The following ABCA4 variants were observed in gnomAD, a reference collection of about 807,000 sequenced individuals.
The protein encoded by ABCA4 is retinal-specific phospholipid-transporting ATPase ABCA4.
In ABCA4, 196 loss-of-function variants were observed where a neutral mutation model predicts 263.7. The ratio of observed to expected loss-of-function variants is 0.74; its 90% confidence interval spans 0.66 to 0.84. The LOEUF (loss-of-function observed/expected upper bound fraction) is 0.84. ABCA4 is among the 40% of genes least tolerant of loss of function. The probability of loss-of-function intolerance (pLI) is 0.00; values close to 1 mark genes in which losing one functional copy is unlikely to be tolerated. For missense variants in ABCA4, 2,792 were observed against 2,855.1 expected, an observed-to-expected ratio of 0.98 and a Z score of 0.50; for synonymous variants, 1,133 against 1,094.2, an observed-to-expected ratio of 1.04 and a Z score of -0.70.
At position 94,102,996 on chromosome 1, in the gene ABCA4, G is replaced by A; in HGVS notation, c.570+19C>T. ...CTTCCCTCCCCTCCAGGGACCACTG[G>A]CCAGTGACATCCCCCTACCTGCTCT... On this transcript the variant is annotated intron_variant, in intron 5 of 49. Coordinates refer to ENST00000370225, the MANE Select transcript of ABCA4 (RefSeq NM_000350.3). 1 of 1,614,096 alleles carries A rather than the reference G, an allele frequency of 6.2e-7. No homozygotes were observed. Among genetic ancestry groups the A allele is most frequent in the African/African-American group, 1.3e-5 (1 of 75,046 alleles).
intron 27 of ABCA4, 92 bp downstream of exon 27, chr1:94,031,686 T>C: frequency 6.5e-7 from 1 of 1,546,888 alleles, no homozygotes; most frequent in South Asian, 1.2e-5. Flanking sequence ...CTTGCTGAGT[T>C]ATAACCCATG....
chr1:93,993,171 A>C lies in ABCA4; in HGVS notation c.*66T>G. 6 of 1,610,818 alleles carry C rather than the reference A, an allele frequency of 3.7e-6. No homozygotes were observed. The highest frequency in any genetic ancestry group is 8.5e-7 in the Non-Finnish European group (1 of 1,177,590). ...AGTCCATTTGGATGACCATATGGGCACAGGCTCCTGCGCCTCCAGCTGCCC... is the reference window on the plus strand; with the variant it reads ...AGTCCATTTGGATGACCATATGGGCCCAGGCTCCTGCGCCTCCAGCTGCCC... On this transcript the variant is annotated 3_prime_UTR_variant, in exon 50 of 50. Transcript: ENST00000370225.
chr1:94,033,975 C>T (rs1450793940), intron 26 of ABCA4, among the ~76,000 whole-genome samples: 3 of 152,140 alleles, frequency 2.0e-5, no homozygotes, highest in Non-Finnish European at 4.4e-5. Flanking sequence ...AAGGCTCCAT[C>T]CTGACTGGAG....
At chr1:94,097,243 C>A (rs1382672901) in intron 6 of ABCA4, among the ~76,000 whole-genome samples, 1 of 152,124 alleles carries the variant, frequency 6.6e-6, no homozygotes, top group Admixed American at 6.5e-5. Context: ...CTCTGGGGCC[C>A]CACCCTGACG....
rs1003418139 is a variant in ABCA4 at position 94,008,306 on chromosome 1, T to C, written c.5836-9A>G. 1.2e-6 allele frequency: 2 copies of C among 1,613,876 alleles called. No individual in the cohort carries two copies. Among genetic ancestry groups the C allele is most frequent in the Non-Finnish European group, 1.7e-6 (2 of 1,179,834 alleles). ...GAGGTGCCTGGATAAATCTGCAAGATACGAAGAAACCGGACTGAGAACTGA... is the reference window on the plus strand; with the variant it reads ...GAGGTGCCTGGATAAATCTGCAAGACACGAAGAAACCGGACTGAGAACTGA... On this transcript the variant is annotated splice_polypyrimidine_tract_variant and intron_variant, in intron 41 of 49. Coordinates refer to ENST00000370225, the MANE Select transcript of ABCA4 (RefSeq NM_000350.3).
intron 3 of ABCA4, among the ~76,000 whole-genome samples, chr1:94,109,114 A>G (rs563393667): frequency 6.6e-6 from 1 of 152,354 alleles, no homozygotes; most frequent in East Asian, 1.9e-4. Context: ...TGGCCTAGCT[A>G]CTACATTGAG....
chr1:94,063,531 C>T (rs1661186671), intron 11 of ABCA4, among the ~76,000 whole-genome samples: 1 of 152,218 alleles, frequency 6.6e-6, no homozygotes, highest in African/African-American at 2.4e-5. Context: ...GAAGTGCTGA[C>T]GTGCTCTTAT....
chr1:94,071,160 G>T (rs1015085558), intron 11 of ABCA4, among the ~76,000 whole-genome samples: 1 of 152,142 alleles, frequency 6.6e-6, no homozygotes, highest in Non-Finnish European at 1.5e-5. Flanking sequence ...AGTCCTCTGA[G>T]ATACCACTAT....
At chr1:94,046,632 C>G (rs969894229) in intron 19 of ABCA4, among the ~76,000 whole-genome samples, 1 of 152,028 alleles carries the variant, frequency 6.6e-6, no homozygotes, top group Non-Finnish European at 1.5e-5. Context: ...CTTTTGCCCC[C>G]GCTGAGCCAT....
At chr1:94,026,569 A>T (rs1163811065) in intron 30 of ABCA4, among the ~76,000 whole-genome samples, 1 of 152,220 alleles carries the variant, frequency 6.6e-6, no homozygotes. Flanking sequence ...AGTGGCACTC[A>T]GACACCGGCC....
At chr1:94,018,542 G>A (rs1272730950) in intron 36 of ABCA4, 1 of 455,514 alleles carries the variant, frequency 2.2e-6, no homozygotes, top group African/African-American at 2.0e-5. Flanking sequence ...GAGTAAGATA[G>A]AAATCATATC....
At chr1:94,037,518 C>T (rs1349915972) in intron 24 of ABCA4, among the ~76,000 whole-genome samples, 168 bp from the exon 25 acceptor site, 1 of 152,032 alleles carries the variant, frequency 6.6e-6, no homozygotes, top group African/African-American at 2.4e-5. Flanking sequence ...CTGCTTTTAG[C>T]TTAGTTGGCC....
intron 14 of ABCA4, among the ~76,000 whole-genome samples, chr1:94,057,330 G>A (rs1173671249): frequency 1.3e-5 from 2 of 152,126 alleles, no homozygotes; most frequent in African/African-American, 4.8e-5. Context: ...TATTTATTAT[G>A]TGTTAAGTAA....
chr1:94,083,452 C>T lies in ABCA4; in HGVS notation c.769-11G>A. On this transcript the variant is annotated splice_polypyrimidine_tract_variant and intron_variant, in intron 6 of 49. Coordinates refer to ENST00000370225, the MANE Select transcript of ABCA4 (RefSeq NM_000350.3). ...TAGGAGTGTGGGAAGCTGTAATTGA[C>T]AGTAAAACAATTTTTTAAATATATA... 1 of 1,599,202 alleles carries T rather than the reference C, an allele frequency of 6.3e-7. No individual in the cohort carries two copies. Among genetic ancestry groups the T allele is most frequent in the Non-Finnish European group, 8.6e-7 (1 of 1,167,192 alleles).
intron 26 of ABCA4, among the ~76,000 whole-genome samples, chr1:94,033,768 C>A (rs1245950951): frequency 2.0e-5 from 3 of 151,834 alleles, no homozygotes; most frequent in African/African-American, 7.3e-5. Flanking sequence ...GCAGCCCCAG[C>A]CCTGGCACCT....
intron 48 of ABCA4, 69 bp downstream of exon 48, chr1:93,997,792 A>C (rs1659048902): frequency 3.1e-6 from 5 of 1,605,172 alleles, no homozygotes; most frequent in Non-Finnish European, 4.3e-6. Context: ...CTCTTATGGC[A>C]ATTCCAACCC....
intron 4 of ABCA4, among the ~76,000 whole-genome samples, chr1:94,103,588 C>CGAGG (rs557781854): frequency 1.4e-3 from 213 of 152,290 alleles, no homozygotes; most frequent in South Asian, 7.7e-3. Flanking sequence ...ACACTCCTCC[C>CGAGG]TCCCCCACAC....
chr1:94,046,023 C>T (rs113803154), intron 19 of ABCA4: 6 of 447,682 alleles, frequency 1.3e-5, no homozygotes, highest in South Asian at 1.6e-5. Flanking sequence ...TGTTACCAGG[C>T]GGTTACTCCA....
At chr1:94,032,116 T>C (rs890409575) in intron 26 of ABCA4, 73 bp from the exon 27 acceptor site, 24 of 1,556,280 alleles carry the variant, frequency 1.5e-5, no homozygotes, top group African/African-American at 5.4e-5. Flanking sequence ...ATTTTTTTTT[T>C]CCCTTACAGC....
Sources: gnomAD v4.1 joint callset for allele counts (sites outside exome capture counted in the v4.1 genomes callset) on GRCh38, gnomAD v4.1.1 for gene constraint, MANE v1.5 for transcripts, NCBI Gene and HGNC (gene_info 2026-07-23, HGNC 2026-07-21) for gene names.